MELTF: variants seen among roughly 807,000 people sequenced by gnomAD.
MELTF encodes the protein antigen p97 (melanoma associated) identified by monoclonal antibodies 133.2 and 96.5.
In MELTF, 67 loss-of-function variants were observed where a neutral mutation model predicts 83.7. The observed-to-expected ratio is 0.80, with a 90% CI of 0.66 to 0.98. The LOEUF is 0.98. Among genes scored for constraint, MELTF ranks in the 50% least tolerant of loss-of-function variants. The probability of loss-of-function intolerance (pLI) is 0.00; values close to 1 mark genes in which losing one functional copy is unlikely to be tolerated. For missense variants in MELTF, 1,002 were observed against 1,035.6 expected (o/e 0.97, Z 0.44); for synonymous variants, 462 against 447.6 (o/e 1.03, Z -0.41).
chr3:197,021,959 T>C (rs1719640724), intron 5 of MELTF, among the ~76,000 whole-genome samples: 1 of 152,202 alleles, frequency 6.6e-6, no homozygotes, highest in African/African-American at 2.4e-5. Flanking sequence ...GCTCAAGTGA[T>C]CATCCTGCCT....
At chr3:197,005,491 C>T (rs1718941713) in intron 14 of MELTF, among the ~76,000 whole-genome samples, 1 of 152,142 alleles carries the variant, frequency 6.6e-6, no homozygotes, top group Non-Finnish European at 1.5e-5. Context: ...TGGATGAGAT[C>T]AAGGGTAAGC....
At chr3:197,012,073 A>G (rs1032293227) in intron 9 of MELTF, among the ~76,000 whole-genome samples, 1 of 152,194 alleles carries the variant, frequency 6.6e-6, no homozygotes, top group South Asian at 2.1e-4. Context: ...TGTCACCGTC[A>G]CACACAGTCG....
rs1029789733 is a variant in MELTF at position 197,029,583 on chromosome 3, G to A, written c.49+71C>T. On this transcript the variant is annotated intron_variant, in intron 1 of 15. Coordinates refer to ENST00000296350, the MANE Select transcript of MELTF (RefSeq NM_005929.6). The surrounding 1 kb of genome is among the most constrained non-coding windows in gnomAD (Gnocchi z 6.5). ...CAGGCTCAGGCACATTTCCAGCCCC[G>A]GGACCTGCTCAGCCGGGCCGCGGCG... 116 of 1,185,574 alleles carry A rather than the reference G, an allele frequency of 9.8e-5. No homozygotes were observed. Among genetic ancestry groups the A allele is most frequent in the Middle Eastern group, 3.0e-4 (1 of 3,330 alleles). The allele number at this position is 1,185,574 out of a possible 1,614,324, so 73.4% of individuals were successfully genotyped here. A position where few individuals can be genotyped will look rare whatever the true frequency, so the allele number is the denominator to read the frequency against.
chr3:197,003,525 G>C lies in MELTF; in HGVS notation c.2138-74C>G. ...CCGCCTCAGGCGCCCGCTCTGGGGT[G>C]GGGGTGGGGGCATCTTTCGGGACCG... On this transcript the variant is annotated intron_variant, in intron 15 of 15. Transcript: ENST00000296350. The surrounding 1 kb of genome is among the most constrained non-coding windows in gnomAD (Gnocchi z 6.2). The C allele has an allele frequency of 1.2e-6, 1 of 809,744 alleles. No homozygotes were observed. Among genetic ancestry groups the C allele is most frequent in the Non-Finnish European group, 1.6e-6 (1 of 632,738 alleles). The allele number at this position is 809,744 out of a possible 1,614,324, so 50.2% of individuals were successfully genotyped here.
chr3:197,009,893 C>T, intron 10 of MELTF, 81 bp from the exon 11 acceptor site: 1 of 1,252,604 alleles, frequency 8.0e-7, no homozygotes. Context: ...CCTTCAAACC[C>T]ACTCCTTCCT....
rs1290978935 is a variant in MELTF at position 197,027,002 on chromosome 3, A to G, written c.205-243T>C. ...TAATCATTGATTTTGCAGGACTCAG[A>G]TATCATAGTAAAAAAATCAGATAGC... is the stretch of plus-strand genomic sequence containing the variant. On this transcript the variant is annotated intron_variant, in intron 2 of 15. Coordinates refer to ENST00000296350, the MANE Select transcript of MELTF (RefSeq NM_005929.6). 7.7e-6 allele frequency: 4 copies of G among 517,312 alleles called. No homozygotes were observed. In the Admixed American group the frequency reaches 1.3e-4, roughly 16 times the overall value. 32.0% of individuals were successfully genotyped at this position (517,312 alleles called of 1,614,324 possible).
chr3:197,003,969 C>G lies in MELTF; in HGVS notation c.2069G>C (p.Arg690Pro). The G allele has an allele frequency of 6.2e-7, 1 of 1,614,140 alleles. No individual in the cohort carries two copies. Among genetic ancestry groups the G allele is most frequent in the Non-Finnish European group, 8.5e-7 (1 of 1,180,032 alleles). Residue 690 changes from arginine to proline, a missense_variant, in exon 15 of 16, where the codon CGC (arginine) becomes CCC (proline). By Grantham distance (103) the Arg-to-Pro change is moderately radical (BLOSUM62 -2). Transcript: ENST00000296350. The surrounding 1 kb of genome is among the most constrained non-coding windows in gnomAD (Gnocchi z 6.2). Reference sequence around the variant, plus strand: ...CACGTAGTCCAGCCCCAGCCAGCCGCGGTAGGTGGTTTTCTCTCCGACAGG... The same window carrying G: ...CACGTAGTCCAGCCCCAGCCAGCCGGGGTAGGTGGTTTTCTCTCCGACAGG... ...AVPVGEKTTY[R>P]GWLGLDYVAA... is the part of the protein sequence containing the mutation.
At chr3:197,017,653 G>A (rs993398628) in intron 6 of MELTF, among the ~76,000 whole-genome samples, 27 of 152,134 alleles carry the variant, frequency 1.8e-4, no homozygotes, top group Admixed American at 3.3e-4. Context: ...CGAGGTGGGC[G>A]GATCACGAGG....
chr3:197,025,767 G>A (rs1211258651), intron 3 of MELTF: 4 of 152,358 alleles, frequency 2.6e-5, no homozygotes, highest in Non-Finnish European at 4.4e-5. Flanking sequence ...ATTCAACAAG[G>A]AACCAGCCAG....
In MELTF at chr3:197,028,045, A is replaced by C. The variant is rs1017478510; in HGVS notation, c.50-135T>G. 4.0e-5 allele frequency: 38 copies of C among 960,924 alleles called. No individual in the cohort carries two copies. The African/African-American group carries it at 5.2e-4, about 13-fold the overall frequency. The allele number at this position is 960,924 out of a possible 1,614,324, so 59.5% of individuals were successfully genotyped here. ...TCCTCTAGGGCAGCCCTGCCCTCCC[A>C]CAGGGAGGCACTAGGCGCAGAGACA... On this transcript the variant is annotated intron_variant, in intron 1 of 15. Coordinates refer to ENST00000296350, the MANE Select transcript of MELTF (RefSeq NM_005929.6).
chr3:197,021,354 G>A (rs1293986805), intron 6 of MELTF, 50 bp downstream of exon 6: 1 of 1,590,824 alleles, frequency 6.3e-7, no homozygotes, highest in Non-Finnish European at 8.6e-7. Flanking sequence ...CCCCAAGCCG[G>A]CCTGGCCTGA....
At chr3:197,009,868 C>T (rs1719126185) in intron 10 of MELTF, 56 bp from the exon 11 acceptor site, 2 of 1,503,886 alleles carry the variant, frequency 1.3e-6, no homozygotes, top group Non-Finnish European at 1.8e-6. Context: ...CGGGCAAGTG[C>T]CTGGGGGGGT....
Position 197,007,356 on chromosome 3 carries a change from T to A in MELTF, c.1751-620A>T, listed in dbSNP as rs970735713. On this transcript the variant is annotated intron_variant, in intron 13 of 15. Coordinates refer to ENST00000296350, the MANE Select transcript of MELTF (RefSeq NM_005929.6). This position sits in a 1 kb window ranked among gnomAD's most constrained non-coding sequence, Gnocchi z 4.3. Reference sequence around the variant, plus strand: ...CGGGCTGCCTGAGAAAATGCTGCCCTCAGGAATCACATTTTCATGTCTCTG... The same window carrying A: ...CGGGCTGCCTGAGAAAATGCTGCCCACAGGAATCACATTTTCATGTCTCTG... Among the ~76,000 whole-genome samples, 1 of 152,202 alleles carries A rather than the reference T, an allele frequency of 6.6e-6. No individual in the cohort carries two copies. The highest frequency in any genetic ancestry group is 1.5e-5 in the Non-Finnish European group (1 of 68,038).
chr3:197,023,073 T>C lies in MELTF; in HGVS notation c.528A>G (p.Ala176=). Residue 176 remains alanine (A), a synonymous_variant, in exon 5 of 16, where the codon GCA becomes GCG. Coordinates refer to ENST00000296350, the MANE Select transcript of MELTF (RefSeq NM_005929.6). ...DYFGGSCVPG[A]GETSYSESLC... Reference sequence around the variant, plus strand: ...GGGACTCAGAGTAACTGGTCTCTCCTGCCCCCGGGACGCAGCTGCCCCCAA... The same window carrying C: ...GGGACTCAGAGTAACTGGTCTCTCCCGCCCCCGGGACGCAGCTGCCCCCAA... 6.2e-7 allele frequency: 1 copy of C among 1,613,844 alleles called. No individual in the cohort carries two copies. Among genetic ancestry groups the C allele is most frequent in the Non-Finnish European group, 8.5e-7 (1 of 1,180,010 alleles).
intron 11 of MELTF, 128 bp from the exon 12 acceptor site, chr3:197,009,093 C>T (rs896094263): frequency 1.3e-5 from 14 of 1,088,910 alleles, no homozygotes; most frequent in Admixed American, 1.3e-4. Flanking sequence ...CTGTCTGCTC[C>T]GCTCCCCTCA....
intron 6 of MELTF, among the ~76,000 whole-genome samples, chr3:197,018,677 C>T (rs1446271673): frequency 6.6e-6 from 1 of 152,086 alleles, no homozygotes; most frequent in East Asian, 1.9e-4. Flanking sequence ...GAACCCCTGA[C>T]CTCATGATCT....
At chr3:197,021,086 T>TA (rs1418345856) in intron 6 of MELTF, among the ~76,000 whole-genome samples, 1 of 152,114 alleles carries the variant, frequency 6.6e-6, no homozygotes, top group East Asian at 1.9e-4. Context: ...GCAAATTGCT[T>TA]AAAAAATCAG....
rs1019336463 is a variant in MELTF at position 197,024,749 on chromosome 3, C to A, written c.305-264G>T. On this transcript the variant is annotated intron_variant, in intron 3 of 15. Transcript: ENST00000296350. The surrounding 1 kb of genome is among the most constrained non-coding windows in gnomAD (Gnocchi z 5.3). ...TGATTTCCCCCTCTTCCTTCCCCAG[C>A]AGCTGGTGCTTAGCTGGGTCCACAT... Among the ~76,000 whole-genome samples the A allele has an allele frequency of 6.6e-6, 1 of 152,230 alleles. No homozygotes were observed. The highest frequency in any genetic ancestry group is 2.4e-5 in the African/African-American group (1 of 41,456).
rs1718824035 is a variant in MELTF at position 197,003,280 on chromosome 3, G to A, written c.*92C>T. The A allele has an allele frequency of 2.0e-6, 2 of 1,002,186 alleles. No homozygotes were observed. The highest frequency in any genetic ancestry group is 1.8e-5 in the African/African-American group (1 of 56,834). The allele number at this position is 1,002,186 out of a possible 1,614,324, so 62.1% of individuals were successfully genotyped here. ...GCCTGCTCCCGCCCACGCCGGGCCC[G>A]GCCTTCGCGAGCTTCCTTCTGGATT... On this transcript the variant is annotated 3_prime_UTR_variant, in exon 16 of 16. Coordinates refer to ENST00000296350, the MANE Select transcript of MELTF (RefSeq NM_005929.6). The surrounding 1 kb of genome is among the most constrained non-coding windows in gnomAD (Gnocchi z 6.2).
Sources: allele counts gnomAD v4.1 joint callset (sites outside exome capture counted in the v4.1 genomes callset), GRCh38; gene constraint gnomAD v4.1.1; non-coding constraint Gnocchi (gnomAD v3.1); transcripts MANE v1.5; gene names NCBI Gene and HGNC (gene_info 2026-07-23, HGNC 2026-07-21).